The following AGBL1 variants were observed in gnomAD, a reference collection of about 807,000 sequenced individuals.
AGBL1 encodes the protein AGBL carboxypeptidase 1.
Under a neutral mutation model 118.9 loss-of-function variants are expected in AGBL1, and 130 were observed. The ratio of observed to expected loss-of-function variants is 1.09; its 90% confidence interval spans 0.95 to 1.26. The LOEUF is 1.26. Among genes scored for constraint, AGBL1 ranks in the 50% most tolerant of loss-of-function variants. The pLI, the probability that AGBL1 is intolerant of heterozygous loss-of-function variation, is 0.00. For synonymous variants in AGBL1, 555 were observed against 478.9 expected (o/e 1.16, Z -2.08); for missense variants, 1,584 against 1,298.1 (o/e 1.22, Z -3.38).
chr15:86,583,446 G>T (rs1411860658), intron 21 of AGBL1, among the ~76,000 whole-genome samples: 1 of 152,028 alleles, frequency 6.6e-6, no homozygotes, highest in Non-Finnish European at 1.5e-5. Context: ...TTGATTTTCT[G>T]TTCCTGTGTT....
intron 5 of AGBL1, among the ~76,000 whole-genome samples, chr15:86,195,336 A>T (rs1212504896): frequency 6.6e-6 from 1 of 152,134 alleles, no homozygotes; most frequent in African/African-American, 2.4e-5. Context: ...ATCCTGGACT[A>T]AATTAGACAC....
chr15:86,120,820 A>T (rs4887294), intron 1 of AGBL1, among the ~76,000 whole-genome samples: 66,438 of 151,918 alleles, frequency 0.44, 15,163 homozygotes, highest in African/African-American at 0.56. Context: ...CCCAAGGATA[A>T]AAGAAACTTT....
At chr15:86,554,639 T>A (rs2083707732) in intron 21 of AGBL1, 102 bp downstream of exon 21, 3 of 1,224,432 alleles carry the variant, frequency 2.5e-6, no homozygotes, top group Admixed American at 8.1e-5. Flanking sequence ...GGAAGAAGGC[T>A]CCAAGTAGAG....
intron 24 of AGBL1, among the ~76,000 whole-genome samples, chr15:87,027,115 G>C (rs1255858129): frequency 6.6e-6 from 1 of 151,842 alleles, no homozygotes; most frequent in Admixed American, 6.6e-5. Context: ...AACACCACCT[G>C]TTCCTCAATA....
intron 21 of AGBL1, among the ~76,000 whole-genome samples, chr15:86,602,522 G>A (rs1394994783): frequency 1.3e-5 from 2 of 152,158 alleles, no homozygotes; most frequent in Non-Finnish European, 2.9e-5. Flanking sequence ...CAGTTAGTTA[G>A]GGCTATTTCT....
intron 22 of AGBL1, among the ~76,000 whole-genome samples, chr15:86,693,813 T>C (rs960259042): frequency 4.6e-5 from 7 of 152,138 alleles, no homozygotes; most frequent in African/African-American, 1.7e-4. Context: ...CCCCTACCTG[T>C]GGCTTGCCAA....
chr15:86,403,036 G>T (rs547420198), intron 18 of AGBL1, among the ~76,000 whole-genome samples: 1 of 152,120 alleles, frequency 6.6e-6, no homozygotes, highest in Non-Finnish European at 1.5e-5. Context: ...AATAGAATGG[G>T]CAGTCAACAG....
intron 22 of AGBL1, among the ~76,000 whole-genome samples, 182 bp from the exon 23 acceptor site, chr15:86,906,905 A>G (rs1346574832): frequency 6.6e-6 from 1 of 152,160 alleles, no homozygotes; most frequent in Non-Finnish European, 1.5e-5. Context: ...TCAAAGCAGG[A>G]AACTTCCACT....
intron 5 of AGBL1, among the ~76,000 whole-genome samples, chr15:86,176,530 G>A (rs1174621607): frequency 6.6e-6 from 1 of 152,222 alleles, no homozygotes; most frequent in Non-Finnish European, 1.5e-5. Context: ...CCATTCACTA[G>A]GGTGTAGAAC....
At chr15:86,812,102 C>A (rs2078798325) in intron 22 of AGBL1, among the ~76,000 whole-genome samples, 1 of 152,190 alleles carries the variant, frequency 6.6e-6, no homozygotes. Context: ...AGAGCCAAGA[C>A]AAAAGGTCTC....
At position 86,978,903 on chromosome 15, in the gene AGBL1, A is replaced by C. The variant is rs185846996; in HGVS notation, c.3222-9084A>C. On this transcript the variant is annotated intron_variant, in intron 23 of 24. Coordinates refer to the AGBL1 transcript ENST00000441037. ...CAGGGGGAACCCATAAGAGGTGGAG[A>C]ATTGAGGCAGAAAACTGACAGGAAT... 1.1e-4 allele frequency among the ~76,000 whole-genome samples: 17 copies of C among 152,290 alleles called. 1 individual carries two copies. In the East Asian group the frequency reaches 1.7e-3, roughly 16 times the overall value.
At chr15:86,339,579 A>G (rs1213669396) in intron 17 of AGBL1, among the ~76,000 whole-genome samples, 1 of 152,158 alleles carries the variant, frequency 6.6e-6, no homozygotes, top group African/African-American at 2.4e-5. Context: ...TTATTGCTCT[A>G]TCATCAAGGT....
chr15:86,440,071 T>C (rs192000642), intron 18 of AGBL1, among the ~76,000 whole-genome samples: 64 of 152,342 alleles, frequency 4.2e-4, no homozygotes, highest in Non-Finnish European at 4.3e-4. Flanking sequence ...AAAAGTTTAT[T>C]GACTAATTTT....
At chr15:87,017,754 G>A (rs1383665989) in intron 24 of AGBL1, among the ~76,000 whole-genome samples, 2 of 152,040 alleles carry the variant, frequency 1.3e-5, no homozygotes, top group Non-Finnish European at 2.9e-5. Flanking sequence ...CCAAATTATT[G>A]CAGCATCTCT....
chr15:86,763,454 GA>G (rs1018958694), intron 22 of AGBL1, among the ~76,000 whole-genome samples: 1 of 151,800 alleles, frequency 6.6e-6, no homozygotes, highest in Non-Finnish European at 1.5e-5. Context: ...TCACTTTAGT[GA>G]AAAAAACACA....
At chr15:86,670,851 G>A (rs908884921) in intron 21 of AGBL1, among the ~76,000 whole-genome samples, 1 of 151,748 alleles carries the variant, frequency 6.6e-6, no homozygotes, top group African/African-American at 2.4e-5. Context: ...TGGACCTGAT[G>A]TTTGTCTTAC....
chr15:86,335,080 C>T (rs1252563463), intron 17 of AGBL1, among the ~76,000 whole-genome samples: 2 of 151,668 alleles, frequency 1.3e-5, no homozygotes, highest in Non-Finnish European at 2.9e-5. Flanking sequence ...AATTTATGAC[C>T]TAGAGAAAGA....
intron 20 of AGBL1, among the ~76,000 whole-genome samples, chr15:86,548,142 G>T (rs1160791905): frequency 6.6e-6 from 1 of 152,116 alleles, no homozygotes; most frequent in Non-Finnish European, 1.5e-5. Context: ...GAATGTCTTG[G>T]TAAGATAGGT....
chr15:86,766,180 C>A (rs924759308), intron 22 of AGBL1, among the ~76,000 whole-genome samples: 1 of 151,914 alleles, frequency 6.6e-6, no homozygotes, highest in Admixed American at 6.6e-5. Flanking sequence ...CAGGGTCACA[C>A]AGCCAGCAAA....
Sources: gnomAD v4.1 joint callset for allele counts (sites outside exome capture counted in the v4.1 genomes callset) on GRCh38, gnomAD v4.1.1 for gene constraint, MANE v1.5 for transcripts, NCBI Gene and HGNC (gene_info 2026-07-23, HGNC 2026-07-21) for gene names.